GHR: variants seen among roughly 807,000 people sequenced by gnomAD.
The protein encoded by GHR is growth hormone receptor, also known as GH receptor.
Under a neutral mutation model 67.1 loss-of-function variants are expected in GHR, and 35 were observed. That is an observed-to-expected ratio of 0.52 (90% confidence interval 0.40 to 0.69). The LOEUF (loss-of-function observed/expected upper bound fraction) is 0.69. Ranked by LOEUF, GHR falls within the 30% of genes least tolerant of loss-of-function variation. The pLI is 0.00. For synonymous variants in GHR, 272 were observed against 269.1 expected, an observed-to-expected ratio of 1.01 and a Z score of -0.10; for missense variants, 792 against 764.6, an observed-to-expected ratio of 1.04 and a Z score of -0.42.
At chr5:42,469,959 G>A (rs146925406) in intron 1 of GHR, among the ~76,000 whole-genome samples, 223 of 151,686 alleles carry the variant, frequency 1.5e-3, no homozygotes, top group African/African-American at 5.0e-3. Flanking sequence ...AGTAATTTAA[G>A]TCTCACCTCC....
chr5:42,554,279 T>A (rs751924288), intron 1 of GHR, among the ~76,000 whole-genome samples: 12 of 151,974 alleles, frequency 7.9e-5, no homozygotes, highest in Non-Finnish European at 1.3e-4. Context: ...AAGTTGAGGC[T>A]GAGGATGAGA....
intron 1 of GHR, among the ~76,000 whole-genome samples, chr5:42,507,560 A>G (rs1746830352): frequency 6.6e-6 from 1 of 152,232 alleles, no homozygotes; most frequent in East Asian, 1.9e-4. Context: ...CAGGTCCTGG[A>G]AAGACACACA....
intron 3 of GHR, among the ~76,000 whole-genome samples, chr5:42,630,344 G>A: frequency 7.6e-6 from 1 of 132,132 alleles, no homozygotes; most frequent in Non-Finnish European, 1.6e-5. Context: ...ATATGCTAGA[G>A]TCCATATTAT....
intron 5 of GHR, among the ~76,000 whole-genome samples, chr5:42,698,347 T>G (rs1757776134): frequency 6.6e-6 from 1 of 152,190 alleles, no homozygotes; most frequent in Admixed American, 6.5e-5. Context: ...TAATGAGTTA[T>G]AGAAAATCTT....
intron 2 of GHR, among the ~76,000 whole-genome samples, chr5:42,609,516 C>G (rs183912090): frequency 3.9e-5 from 6 of 152,262 alleles, no homozygotes; most frequent in Non-Finnish European, 8.8e-5. Context: ...CTGGCCTAGA[C>G]CAATCCTGAT....
At chr5:42,663,495 A>G (rs1755773867) in intron 3 of GHR, among the ~76,000 whole-genome samples, 1 of 152,222 alleles carries the variant, frequency 6.6e-6, no homozygotes, top group Non-Finnish European at 1.5e-5. Context: ...GACAAAAACC[A>G]CATGATTATC....
At chr5:42,459,853 G>A (rs78951184) in intron 1 of GHR, among the ~76,000 whole-genome samples, 3,044 of 152,234 alleles carry the variant, frequency 0.02, 101 homozygotes, top group African/African-American at 0.069. Context: ...GAGACTGCAT[G>A]AGAATTGGAC....
intron 2 of GHR, among the ~76,000 whole-genome samples, chr5:42,577,501 T>G (rs1750817952): frequency 6.6e-6 from 1 of 152,202 alleles, no homozygotes; most frequent in Admixed American, 6.5e-5. Flanking sequence ...GTTGTGTACA[T>G]GACTGCAGAG....
At chr5:42,534,671 T>C (rs1419903845) in intron 1 of GHR, among the ~76,000 whole-genome samples, 3 of 152,054 alleles carry the variant, frequency 2.0e-5, no homozygotes, top group African/African-American at 7.2e-5. Flanking sequence ...TCTGGGTAGA[T>C]ACCCAGTAGT....
intron 2 of GHR, among the ~76,000 whole-genome samples, chr5:42,613,143 TC>T (rs1752968126): frequency 6.6e-6 from 1 of 152,148 alleles, no homozygotes; most frequent in Non-Finnish European, 1.5e-5. Context: ...TTAGCCATTC[TC>T]CAGGGACCAC....
At chr5:42,563,472 G>A (rs1291152383) in intron 1 of GHR, among the ~76,000 whole-genome samples, 1 of 151,834 alleles carries the variant, frequency 6.6e-6, no homozygotes, top group Non-Finnish European at 1.5e-5. Context: ...AAAAAAATTA[G>A]CCGGGCGCGG....
chr5:42,606,935 C>T (rs1397739079), intron 2 of GHR, among the ~76,000 whole-genome samples: 1 of 152,112 alleles, frequency 6.6e-6, no homozygotes, highest in Non-Finnish European at 1.5e-5. Context: ...CTGAGCCTAT[C>T]TGCTTCCAGA....
intron 3 of GHR, chr5:42,659,395 A>T (rs538177273): frequency 6.6e-6 from 1 of 152,278 alleles, no homozygotes; most frequent in South Asian, 2.1e-4. Flanking sequence ...AAAGTTTTCA[A>T]ATATTAGAAA....
intron 1 of GHR, 48 bp from the exon 2 acceptor site, chr5:42,565,816 G>A: frequency 6.2e-7 from 1 of 1,613,668 alleles, no homozygotes; most frequent in Middle Eastern, 1.7e-4. Flanking sequence ...CATGATAATG[G>A]TCTGCTTTTA....
chr5:42,535,346 A>T (rs1453201846), intron 1 of GHR, among the ~76,000 whole-genome samples: 2 of 152,092 alleles, frequency 1.3e-5, no homozygotes, highest in African/African-American at 4.8e-5. Flanking sequence ...GAGGTAAGAG[A>T]TGAGGATCCA....
chr5:42,688,772 A>G, intron 3 of GHR, 118 bp from the exon 4 acceptor site: 1 of 955,024 alleles, frequency 1.0e-6, no homozygotes, highest in South Asian at 1.3e-5. Flanking sequence ...TACCTCCTAG[A>G]CACGGAATAC....
chr5:42,641,442 A>G (rs1055332630), intron 3 of GHR, among the ~76,000 whole-genome samples: 2 of 152,102 alleles, frequency 1.3e-5, no homozygotes, highest in Non-Finnish European at 2.9e-5. Flanking sequence ...CAATTTTAAC[A>G]ACCGCAATAT....
At chr5:42,663,228 T>C (rs1209464439) in intron 3 of GHR, among the ~76,000 whole-genome samples, 1 of 152,208 alleles carries the variant, frequency 6.6e-6, no homozygotes, top group Admixed American at 6.5e-5. Flanking sequence ...GAAGGAATCC[T>C]CTCTAACTCA....
intron 3 of GHR, among the ~76,000 whole-genome samples, chr5:42,650,815 G>T (rs1312733242): frequency 6.6e-6 from 1 of 151,958 alleles, no homozygotes; most frequent in African/African-American, 2.4e-5. Context: ...CAAATAAGTA[G>T]GTAACACAGA....
Sources: gnomAD v4.1 joint callset for allele counts (sites outside exome capture counted in the v4.1 genomes callset) on GRCh38, gnomAD v4.1.1 for gene constraint, MANE v1.5 for transcripts, NCBI Gene and HGNC (gene_info 2026-07-23, HGNC 2026-07-21) for gene names.